The following ENOX1 variants were observed in gnomAD, a reference collection of about 807,000 sequenced individuals.
ENOX1 encodes the protein ecto-NOX disulfide-thiol exchanger 1, also known as candidate growth-related and time keeping constitutive hydroquinone (NADH) oxidase.
ENOX1 carries 42 observed loss-of-function variants against 82.5 expected under a neutral mutation model. The observed-to-expected ratio is 0.51, with a 90% CI of 0.40 to 0.66. The LOEUF (loss-of-function observed/expected upper bound fraction) is 0.66, where lower values mean the gene tolerates loss of function less well. Ranked by LOEUF, ENOX1 falls within the 30% of genes least tolerant of loss-of-function variation. The probability of loss-of-function intolerance (pLI) is 0.00; values close to 1 mark genes in which losing one functional copy is unlikely to be tolerated. For missense variants in ENOX1, 608 were observed against 811.6 expected (o/e 0.75, Z 3.05); for synonymous variants, 271 against 282.2 (o/e 0.96, Z 0.40).
chr13:43,756,972 CAAAA>C (rs1164153402), intron 1 of ENOX1, among the ~76,000 whole-genome samples: 17 of 28,066 alleles, frequency 6.1e-4, no homozygotes, highest in South Asian at 3.3e-3. Context: ...AAAACAACAA[CAAAA>C]AAAAAAAAAA....
intron 14 of ENOX1, among the ~76,000 whole-genome samples, chr13:43,260,430 G>A (rs1593579750): frequency 6.6e-6 from 1 of 152,204 alleles, no homozygotes; most frequent in South Asian, 2.1e-4. Flanking sequence ...AGGAATGTGA[G>A]GTAGCAACTT....
chr13:43,767,090 A>C (rs1183077252), intron 1 of ENOX1, among the ~76,000 whole-genome samples: 4 of 152,206 alleles, frequency 2.6e-5, no homozygotes, highest in South Asian at 2.1e-4. Flanking sequence ...TAACACATGA[A>C]GGATACGATA....
intron 3 of ENOX1, among the ~76,000 whole-genome samples, chr13:43,455,967 G>A (rs2057207140): frequency 6.6e-6 from 1 of 152,004 alleles, no homozygotes; most frequent in Admixed American, 6.5e-5. Flanking sequence ...CTCAATCTTG[G>A]GTGTGTCTTT....
intron 2 of ENOX1, among the ~76,000 whole-genome samples, chr13:43,594,117 C>T (rs2081361559): frequency 6.6e-6 from 1 of 152,194 alleles, no homozygotes; most frequent in Admixed American, 6.5e-5. Context: ...TCTGCACCAT[C>T]CAGAGATACT....
At chr13:43,747,825 T>C (rs1484117919) in intron 1 of ENOX1, among the ~76,000 whole-genome samples, 1 of 152,158 alleles carries the variant, frequency 6.6e-6, no homozygotes, top group Non-Finnish European at 1.5e-5. Flanking sequence ...CCCAAAGGGA[T>C]CCATGGATAG....
At chr13:43,389,614 T>A (rs1243791704) in intron 5 of ENOX1, among the ~76,000 whole-genome samples, 5 of 152,154 alleles carry the variant, frequency 3.3e-5, no homozygotes, top group Admixed American at 3.3e-4. Context: ...ATACATATGA[T>A]CTTTGAAAGA....
intron 2 of ENOX1, among the ~76,000 whole-genome samples, chr13:43,485,476 A>G (rs545661740): frequency 6.6e-6 from 1 of 152,324 alleles, no homozygotes; most frequent in East Asian, 1.9e-4. Context: ...TGAAATTTTT[A>G]GTTTATTGGA....
intron 3 of ENOX1, among the ~76,000 whole-genome samples, chr13:43,483,053 T>TA (rs1024718354): frequency 2.6e-5 from 4 of 151,900 alleles, no homozygotes; most frequent in African/African-American, 9.7e-5. Flanking sequence ...ATAAAAGAAA[T>TA]AAAAAAAGTA....
chr13:43,699,528 T>C (rs184146132), intron 1 of ENOX1, among the ~76,000 whole-genome samples: 2 of 152,312 alleles, frequency 1.3e-5, no homozygotes, highest in Non-Finnish European at 2.9e-5. Flanking sequence ...ACCATTTCTA[T>C]AGGGAATAAG....
chr13:43,250,485 G>C (rs1244620358), intron 14 of ENOX1, among the ~76,000 whole-genome samples: 1 of 152,248 alleles, frequency 6.6e-6, no homozygotes, highest in Non-Finnish European at 1.5e-5. Context: ...GCTAGTTATG[G>C]GTCCACTGAC....
At chr13:43,246,183 T>TTAA (rs1168779756) in intron 14 of ENOX1, among the ~76,000 whole-genome samples, 2 of 152,236 alleles carry the variant, frequency 1.3e-5, no homozygotes, top group Non-Finnish European at 2.9e-5. Context: ...AGTCAGGCTA[T>TTAA]TACATTCTTA....
At chr13:43,217,484 A>G (rs1244419613) in intron 16 of ENOX1, among the ~76,000 whole-genome samples, 1 of 152,180 alleles carries the variant, frequency 6.6e-6, no homozygotes, top group African/African-American at 2.4e-5. Context: ...AGGAAGCAGG[A>G]CAAGGCTTGC....
chr13:43,336,909 C>A (rs1001018144), intron 9 of ENOX1, among the ~76,000 whole-genome samples: 26 of 152,204 alleles, frequency 1.7e-4, no homozygotes, highest in Admixed American at 1.2e-3. Context: ...AAAAGTCTTT[C>A]CACCATTTGC....
chr13:43,474,963 G>A (rs1395845312), intron 3 of ENOX1, among the ~76,000 whole-genome samples: 3 of 152,120 alleles, frequency 2.0e-5, no homozygotes, highest in Non-Finnish European at 2.9e-5. Flanking sequence ...TAAAGAAGTT[G>A]CAGGTTTGCT....
chr13:43,735,202 C>T (rs935750654), intron 1 of ENOX1, among the ~76,000 whole-genome samples: 4 of 152,150 alleles, frequency 2.6e-5, no homozygotes, highest in Non-Finnish European at 5.9e-5. Flanking sequence ...TATCAGAAAG[C>T]ATGACATTTA....
At chr13:43,680,110 C>T (rs1389091616) in intron 1 of ENOX1, among the ~76,000 whole-genome samples, 1 of 152,196 alleles carries the variant, frequency 6.6e-6, no homozygotes, top group Non-Finnish European at 1.5e-5. Context: ...TTTCCTCAAA[C>T]ACCACTTGGT....
intron 2 of ENOX1, among the ~76,000 whole-genome samples, chr13:43,609,231 G>GTTTC (rs2082097035): frequency 2.6e-5 from 4 of 152,144 alleles, no homozygotes; most frequent in Admixed American, 6.5e-5. Context: ...CTATTTGTAT[G>GTTTC]TATCTGTGAA....
intron 3 of ENOX1, among the ~76,000 whole-genome samples, chr13:43,469,945 G>C (rs1011212107): frequency 6.6e-6 from 1 of 150,908 alleles, no homozygotes; most frequent in Non-Finnish European, 1.5e-5. Flanking sequence ...CAATGGAACA[G>C]AGCAGAGAGC....
chr13:43,624,689 CATGCAA>C (rs145289129), intron 2 of ENOX1, among the ~76,000 whole-genome samples: 5,375 of 152,108 alleles, frequency 0.035, 289 homozygotes, highest in African/African-American at 0.12. Flanking sequence ...TGTCAAAAAT[CATGCAA>C]ATATGCACTT....
Sources: allele counts gnomAD v4.1 joint callset (sites outside exome capture counted in the v4.1 genomes callset), GRCh38; gene constraint gnomAD v4.1.1; transcripts MANE v1.5; gene names NCBI Gene and HGNC (gene_info 2026-07-23, HGNC 2026-07-21).